NPFFR2: variants seen among roughly 807,000 people sequenced by gnomAD.
The protein encoded by NPFFR2 is neuropeptide FF receptor 2.
A neutral mutation model predicts 13.1 loss-of-function variants in NPFFR2; 15 were observed. That is an observed-to-expected ratio of 1.15 (90% CI 0.77 to 1.76). The LOEUF (loss-of-function observed/expected upper bound fraction) is 1.76. Among genes scored for constraint, NPFFR2 ranks in the 40% most tolerant of loss-of-function variants. The pLI is 0.00. For missense variants in NPFFR2, 572 were observed against 503.5 expected (o/e 1.14, Z -1.30); for synonymous variants, 190 against 175.7 (o/e 1.08, Z -0.65).
intron 1 of NPFFR2, among the ~76,000 whole-genome samples, chr4:72,051,179 A>T (rs1000029999): frequency 1.2e-4 from 18 of 151,718 alleles, no homozygotes; most frequent in Non-Finnish European, 7.4e-5. Flanking sequence ...ATCCCTGAGG[A>T]GTTGCCACAC....
At chr4:72,070,203 T>C (rs1720202828) in intron 1 of NPFFR2, among the ~76,000 whole-genome samples, 1 of 152,154 alleles carries the variant, frequency 6.6e-6, no homozygotes, top group African/African-American at 2.4e-5. Flanking sequence ...ATCAGCAACA[T>C]AAGTAAAGTG....
chr4:72,088,037 A>G (rs1298515435), intron 1 of NPFFR2, among the ~76,000 whole-genome samples: 2 of 152,086 alleles, frequency 1.3e-5, no homozygotes, highest in Non-Finnish European at 2.9e-5. Flanking sequence ...CTGGGACCAG[A>G]AGAGAGACCA....
chr4:72,129,050 AC>A, intron 2 of NPFFR2, 131 bp downstream of exon 2: 1 of 664,822 alleles, frequency 1.5e-6, no homozygotes, highest in East Asian at 2.7e-5. Flanking sequence ...TGATCCAGGC[AC>A]CTGCCCTCAT....
In NPFFR2 at chr4:72,137,975, A is replaced by G. The variant is rs535543563; in HGVS notation, c.329-65A>G. ...ATTAGTCTCGTTTCCACAACTTTCT[A>G]TTTTCATTTTCAGTGAGATTTTGAA... On this transcript the variant is annotated intron_variant, in intron 2 of 3. Transcript: ENST00000308744. 237 of 1,262,324 alleles carry G rather than the reference A, an allele frequency of 1.9e-4. No homozygotes were observed. In the African/African-American group the frequency reaches 3.4e-3, roughly 18 times the overall value. 78.2% of individuals were successfully genotyped at this position (1,262,324 alleles called of 1,614,324 possible).
At chr4:72,033,828 A>G (rs1451049760) in intron 1 of NPFFR2, among the ~76,000 whole-genome samples, 2 of 152,222 alleles carry the variant, frequency 1.3e-5, no homozygotes, top group Non-Finnish European at 2.9e-5. Flanking sequence ...TTGAATAAAT[A>G]TGAATTCACT....
rs751480499 is a variant in NPFFR2, at chr4:72,032,083, T to C, written c.-125T>C. Reference sequence around the variant, plus strand: ...CAGTCCGCGGGGGACAGACGTCGGCTGGGATTGAGCCGGCAGACTGCGAAA... The same window carrying C: ...CAGTCCGCGGGGGACAGACGTCGGCCGGGATTGAGCCGGCAGACTGCGAAA... On this transcript the variant is annotated 5_prime_UTR_variant, in exon 1 of 4. Transcript: ENST00000308744. 4 of 1,613,902 alleles carry C rather than the reference T, an allele frequency of 2.5e-6. No individual in the cohort carries two copies. Among genetic ancestry groups the C allele is most frequent in the Non-Finnish European group, 3.4e-6 (4 of 1,179,962 alleles).
chr4:72,131,555 C>G (rs1031777484), intron 2 of NPFFR2, among the ~76,000 whole-genome samples: 1 of 151,748 alleles, frequency 6.6e-6, no homozygotes, highest in Admixed American at 6.6e-5. Context: ...ATGTAACTAA[C>G]CTGCACAATG....
intron 1 of NPFFR2, among the ~76,000 whole-genome samples, chr4:72,115,747 G>T (rs915083510): frequency 2.0e-5 from 3 of 152,092 alleles, no homozygotes; most frequent in African/African-American, 4.8e-5. Context: ...ACAGCCTTTT[G>T]TGTTCTGGTC....
intron 3 of NPFFR2, among the ~76,000 whole-genome samples, chr4:72,143,132 A>C (rs1157073059): frequency 6.6e-6 from 1 of 152,182 alleles, no homozygotes; most frequent in East Asian, 1.9e-4. Flanking sequence ...TGGCATTGAA[A>C]TAGGAGGCAC....
chr4:72,115,832 G>T (rs941121006), intron 1 of NPFFR2, among the ~76,000 whole-genome samples: 1 of 151,916 alleles, frequency 6.6e-6, no homozygotes. Context: ...ATTTTCTTTA[G>T]AACTTTTAAT....
Position 72,067,644 on chromosome 4 carries a change from C to T in NPFFR2, c.-8+35444C>T, listed in dbSNP as rs28640224. On this transcript the variant is annotated intron_variant, in intron 1 of 3. Coordinates refer to ENST00000308744, the MANE Select transcript of NPFFR2 (RefSeq NM_004885.3). ...TTCTTCAGTTTTTTTTCTCTCTTCT[C>T]ACATTTTACTATAAACAGGAGAATC... Among the ~76,000 whole-genome samples, 1,215 of 152,058 alleles carry T rather than the reference C, an allele frequency of 8.0e-3. 8 individuals carry two copies. The highest frequency in any genetic ancestry group is 0.017 in the African/African-American group (705 of 41,496).
intron 1 of NPFFR2, among the ~76,000 whole-genome samples, chr4:72,087,629 G>T (rs2109798674): frequency 6.6e-6 from 1 of 152,094 alleles, no homozygotes; most frequent in African/African-American, 2.4e-5. Flanking sequence ...AGAGAAATAA[G>T]CTAATATCTG....
intron 1 of NPFFR2, among the ~76,000 whole-genome samples, chr4:72,086,106 A>G (rs192967031): frequency 6.2e-4 from 95 of 152,210 alleles, no homozygotes; most frequent in African/African-American, 2.2e-3. Flanking sequence ...ATTACTAAAT[A>G]CCAAGCACAT....
chr4:72,079,356 A>G (rs938462228), intron 1 of NPFFR2, among the ~76,000 whole-genome samples: 12 of 152,162 alleles, frequency 7.9e-5, no homozygotes, highest in African/African-American at 2.4e-4. Flanking sequence ...TTCAAATACT[A>G]CATTTGGATG....
intron 1 of NPFFR2, among the ~76,000 whole-genome samples, chr4:72,043,544 C>T (rs1362001949): frequency 6.6e-6 from 1 of 152,190 alleles, no homozygotes; most frequent in Non-Finnish European, 1.5e-5. Context: ...ATCAGTGTGA[C>T]CTGGATGTGA....
intron 3 of NPFFR2, among the ~76,000 whole-genome samples, chr4:72,143,430 A>G (rs1722690982): frequency 6.6e-6 from 1 of 152,136 alleles, no homozygotes; most frequent in South Asian, 2.1e-4. Flanking sequence ...TAGCTCAAGC[A>G]ATGAGTCAGG....
chr4:72,087,932 C>A (rs1367583095), intron 1 of NPFFR2, among the ~76,000 whole-genome samples: 1 of 152,022 alleles, frequency 6.6e-6, no homozygotes, highest in Non-Finnish European at 1.5e-5. Flanking sequence ...TTTCTGGCAT[C>A]ATCCCCCCAA....
chr4:72,087,547 G>T (rs1330270659), intron 1 of NPFFR2, among the ~76,000 whole-genome samples: 1 of 75,146 alleles, frequency 1.3e-5, no homozygotes, highest in Non-Finnish European at 3.4e-5. Flanking sequence ...ATACATGATG[G>T]TCTTGTGTAG....
chr4:72,100,715 T>C (rs180844709), intron 1 of NPFFR2, among the ~76,000 whole-genome samples: 3 of 152,222 alleles, frequency 2.0e-5, no homozygotes, highest in Admixed American at 6.5e-5. Flanking sequence ...TCCCTGTTAA[T>C]ATAATTTCTT....
Sources: allele counts gnomAD v4.1 joint callset (sites outside exome capture counted in the v4.1 genomes callset), GRCh38; gene constraint gnomAD v4.1.1; transcripts MANE v1.5; gene names NCBI Gene and HGNC (gene_info 2026-07-23, HGNC 2026-07-21).